Variants in TNIP3 observed in about 807,000 individuals in gnomAD.
The protein encoded by TNIP3 is TNFAIP3 interacting protein 3.
TNIP3 carries 34 observed loss-of-function variants against 54.1 expected under a neutral mutation model. The ratio of observed to expected loss-of-function variants is 0.63; its 90% CI spans 0.48 to 0.84. The LOEUF (loss-of-function observed/expected upper bound fraction) is 0.84, where lower values mean the gene tolerates loss of function less well. Among genes scored for constraint, TNIP3 ranks in the 40% least tolerant of loss-of-function variants. TNIP3 has a pLI of 0.00. For synonymous variants in TNIP3, 134 were observed against 136.8 expected (o/e 0.98, Z 0.14); for missense variants, 366 against 387.6 (o/e 0.94, Z 0.47).
At chr4:121,135,571 T>C (rs1728732286) in intron 10 of TNIP3, among the ~76,000 whole-genome samples, 2 of 152,136 alleles carry the variant, frequency 1.3e-5, no homozygotes, top group African/African-American at 2.4e-5. Context: ...TTAATTTTTG[T>C]ATTTTTTTGT....
chr4:121,200,103 G>A (rs1428212792), intron 2 of TNIP3, among the ~76,000 whole-genome samples: 9 of 151,984 alleles, frequency 5.9e-5, no homozygotes, highest in Non-Finnish European at 1.0e-4. Context: ...TTTGTGTGTT[G>A]CAACACTGTG....
Position 121,147,211 on chromosome 4 carries a change from T to C in TNIP3, c.610-37A>G, listed in dbSNP as rs201452925. 9 of 1,588,130 alleles carry C rather than the reference T, an allele frequency of 5.7e-6. No homozygotes were observed. The East Asian group carries it at 2.0e-4, about 36-fold the overall frequency. ...TAGCTTGCTGTTACTGTAAGCTTCC[T>C]TTTCACTTAAGCCATTTAAATGACT... On this transcript the variant is annotated intron_variant, in intron 6 of 10. Coordinates refer to ENST00000057513, the MANE Select transcript of TNIP3 (RefSeq NM_024873.6).
intron 2 of TNIP3, among the ~76,000 whole-genome samples, chr4:121,210,219 A>T (rs1726406039): frequency 6.6e-6 from 1 of 151,688 alleles, no homozygotes; most frequent in South Asian, 2.1e-4. Context: ...TCCTTTAATG[A>T]ATTATAATTT....
chr4:121,202,569 A>G (rs1433313311), intron 2 of TNIP3, among the ~76,000 whole-genome samples: 1 of 152,146 alleles, frequency 6.6e-6, no homozygotes, highest in Non-Finnish European at 1.5e-5. Context: ...TGCAACAAAA[A>G]CAAGATAGAT....
At chr4:121,225,867 C>T (rs1291285192) in intron 1 of TNIP3, among the ~76,000 whole-genome samples, 1 of 152,120 alleles carries the variant, frequency 6.6e-6, no homozygotes, top group Non-Finnish European at 1.5e-5. Flanking sequence ...CCTGTCTCTT[C>T]TACACTGTGC....
At chr4:121,138,030 G>T (rs1303703720) in intron 10 of TNIP3, 2 of 450,058 alleles carry the variant, frequency 4.4e-6, no homozygotes, top group Non-Finnish European at 8.9e-6. Context: ...AAAGAAAACA[G>T]AAAATGTTAA....
intron 4 of TNIP3, among the ~76,000 whole-genome samples, chr4:121,156,184 G>A (rs962190792): frequency 1.3e-5 from 2 of 152,200 alleles, no homozygotes; most frequent in Non-Finnish European, 2.9e-5. Context: ...GCGAATTTCA[G>A]ACATTGCCTT....
At chr4:121,136,099 C>T (rs888845036) in intron 10 of TNIP3, among the ~76,000 whole-genome samples, 1 of 152,184 alleles carries the variant, frequency 6.6e-6, no homozygotes, top group Non-Finnish European at 1.5e-5. Context: ...ACAACATATC[C>T]TGGTCAGGTT....
At chr4:121,175,085 T>C (rs6814480) in intron 3 of TNIP3, among the ~76,000 whole-genome samples, 35,863 of 152,068 alleles carry the variant, frequency 0.24, 4,408 homozygotes, top group Middle Eastern at 0.29. Flanking sequence ...CTTATGAACA[T>C]GTTATTTATG....
At chr4:121,164,444 T>G, upstream of TNIP3, 1 of 718,240 alleles carries the variant, frequency 1.4e-6, no homozygotes, top group Non-Finnish European at 1.8e-6. Context: ...TGCTATAGTA[T>G]GTAAATCGTC....
chr4:121,218,917 T>C (rs1209433059), upstream of TNIP3, among the ~76,000 whole-genome samples: 1 of 152,090 alleles, frequency 6.6e-6, no homozygotes, highest in Non-Finnish European at 1.5e-5. Context: ...ACCACAGAAG[T>C]GGCCAGCCAT....
exon 1 of TNIP3, chr4:121,216,590 T>C: frequency 4.0e-6 from 6 of 1,503,216 alleles, no homozygotes; most frequent in Non-Finnish European, 5.3e-6. Flanking sequence ...AACCACCTGT[T>C]AAATGCATTT....
chr4:121,178,810 A>G (rs1329866391), intron 3 of TNIP3, among the ~76,000 whole-genome samples: 1 of 152,208 alleles, frequency 6.6e-6, no homozygotes, highest in Non-Finnish European at 1.5e-5. Context: ...TGCTTTCTAG[A>G]AAATTCTATG....
intron 2 of TNIP3, among the ~76,000 whole-genome samples, chr4:121,208,360 A>G (rs537757251): frequency 4.6e-5 from 7 of 152,256 alleles, no homozygotes; most frequent in South Asian, 4.1e-4. Flanking sequence ...CCTGAACTCA[A>G]TGTGTCGGCT....
chr4:121,157,117 G>C lies in TNIP3; in HGVS notation c.340C>G (p.Arg114Gly). 6.2e-7 allele frequency: 1 copy of C among 1,609,176 alleles called. No homozygotes were observed. Among genetic ancestry groups the C allele is most frequent in the Non-Finnish European group, 8.5e-7 (1 of 1,176,042 alleles). The change falls in exon 4 of 11, where the codon CGG becomes GGG. Residue 114 changes from arginine (R) to glycine (G), a missense_variant. Physicochemically the swap from Arg to Gly is moderately radical, Grantham distance 125. Coordinates refer to ENST00000057513, the MANE Select transcript of TNIP3 (RefSeq NM_024873.6). ...ACCTCCTCCCGCTGCAGCCGGTCCC[G>C]GGTCAGGTCGCGCTGCCTGTCGTCC... Reference protein sequence around the residue: ...REDDRQRDLTRDRLQREEKEK... With the variant: ...REDDRQRDLTGDRLQREEKEK...
intron 9 of TNIP3, among the ~76,000 whole-genome samples, chr4:121,139,169 T>C (rs1728963571): frequency 6.6e-6 from 1 of 152,198 alleles, no homozygotes; most frequent in Non-Finnish European, 1.5e-5. Flanking sequence ...AAGTTCAGGA[T>C]GGTGAAGCAG....
intron 2 of TNIP3, among the ~76,000 whole-genome samples, chr4:121,196,392 G>A (rs533585819): frequency 1.3e-5 from 2 of 151,904 alleles, no homozygotes; most frequent in Non-Finnish European, 2.9e-5. Flanking sequence ...ACAAGTATAG[G>A]TTTTTTTTAA....
chr4:121,158,688 T>G lies in TNIP3; in HGVS notation c.212A>C (p.Lys71Thr). The change falls in exon 3 of 11, where the codon AAG becomes ACG. Residue 71 changes from lysine to threonine, a missense_variant and splice_region_variant. Lys to Thr is a moderately conservative substitution (Grantham distance 78). Transcript: ENST00000057513. ...FRSMKELYER[K>T]VAELKTKLDA... Reference sequence around the variant, plus strand: ...TACCGAATAGAGAGAGGTATTTACCTTTCTTTCATATAACTCTTTCATACT... The same window carrying G: ...TACCGAATAGAGAGAGGTATTTACCGTTCTTTCATATAACTCTTTCATACT... 6.2e-7 allele frequency: 1 copy of G among 1,611,232 alleles called. No homozygotes were observed. Among genetic ancestry groups the G allele is most frequent in the Non-Finnish European group, 8.5e-7 (1 of 1,177,922 alleles).
intron 10 of TNIP3, among the ~76,000 whole-genome samples, chr4:121,134,422 G>A (rs771749860): frequency 6.6e-6 from 1 of 152,144 alleles, no homozygotes; most frequent in African/African-American, 2.4e-5. Context: ...TTTGCATCTC[G>A]TTCTGATAAC....
Sources: allele counts gnomAD v4.1 joint callset (sites outside exome capture counted in the v4.1 genomes callset), GRCh38; gene constraint gnomAD v4.1.1; transcripts MANE v1.5; gene names NCBI Gene and HGNC (gene_info 2026-07-23, HGNC 2026-07-21).